TECRL: variants seen among roughly 807,000 people sequenced by gnomAD.
TECRL encodes the protein trans-2,3-enoyl-CoA reductase like.
A neutral mutation model predicts 52.8 loss-of-function variants in TECRL; 63 were observed. The ratio of observed to expected loss-of-function variants is 1.19; its 90% CI spans 0.97 to 1.47. The LOEUF (loss-of-function observed/expected upper bound fraction) is 1.47, where lower values mean the gene tolerates loss of function less well. Among genes scored for constraint, TECRL ranks in the 40% most tolerant of loss-of-function variants. The pLI, the probability that TECRL is intolerant of heterozygous loss-of-function variation, is 0.00. For missense variants in TECRL, 482 were observed against 429.6 expected (o/e 1.12, Z -1.08); for synonymous variants, 164 against 141.9 (o/e 1.16, Z -1.10).
chr4:64,322,017 A>T (rs1053621858), intron 4 of TECRL, among the ~76,000 whole-genome samples: 4 of 152,304 alleles, frequency 2.6e-5, no homozygotes, highest in Middle Eastern at 3.4e-3. Flanking sequence ...CCAGCCCAAT[A>T]GTCCCATAGA....
At chr4:64,316,431 G>A (rs971423035) in intron 4 of TECRL, among the ~76,000 whole-genome samples, 1 of 152,008 alleles carries the variant, frequency 6.6e-6, no homozygotes, top group South Asian at 2.1e-4. Context: ...GAAAGCACTA[G>A]AGAATGATAA....
chr4:64,334,050 G>A (rs372914878), intron 2 of TECRL, among the ~76,000 whole-genome samples: 1,242 of 55,054 alleles, frequency 0.023, 2 homozygotes, highest in Middle Eastern at 0.049. Context: ...AAAAAAAAAA[G>A]AAAAAGAGAG....
chr4:64,331,574 T>C (rs1298072829), intron 2 of TECRL, among the ~76,000 whole-genome samples: 3 of 152,032 alleles, frequency 2.0e-5, no homozygotes, highest in Admixed American at 1.3e-4. Flanking sequence ...TGGAATCTCA[T>C]AGAAAGTCAC....
At chr4:64,355,420 A>C (rs1302707833) in intron 2 of TECRL, among the ~76,000 whole-genome samples, 1 of 152,166 alleles carries the variant, frequency 6.6e-6, no homozygotes, top group Non-Finnish European at 1.5e-5. Context: ...CAAATTAAAA[A>C]AAAAATTACA....
Position 64,328,539 on chromosome 4 carries a change from A to C in TECRL, c.304T>G (p.Ser102Ala), listed in dbSNP as rs1718413682. The change falls in exon 3 of 12, where the codon TCT becomes GCT. Residue 102 changes from serine (S) to alanine (A), a missense_variant. Physicochemically the swap from Ser to Ala is moderately conservative, Grantham distance 99. Coordinates refer to ENST00000381210, the MANE Select transcript of TECRL (RefSeq NM_001010874.5). ...CATTCTAGCTGCAGACCAACTCGAG[A>C]AGGGTACCACTTTGGACCTATTCAA... is the stretch of plus-strand genomic sequence containing the variant. ...FHKACPKWYP[S>A]RVGLQLECGG... The C allele has an allele frequency of 2.5e-6, 4 of 1,611,810 alleles. No homozygotes were observed. The highest frequency in any genetic ancestry group is 3.4e-6 in the Non-Finnish European group (4 of 1,178,458).
At chr4:64,282,953 G>A (rs1038801112) in intron 9 of TECRL, among the ~76,000 whole-genome samples, 12 of 151,804 alleles carry the variant, frequency 7.9e-5, no homozygotes, top group African/African-American at 2.7e-4. Context: ...TTAAAATGCT[G>A]CCCCACCAGA....
intron 2 of TECRL, among the ~76,000 whole-genome samples, chr4:64,368,289 TTTTGTTTGTTTG>T (rs61596935): frequency 1.2e-4 from 18 of 151,338 alleles, no homozygotes; most frequent in Non-Finnish European, 2.2e-4. Context: ...TGTTTTCTTT[TTTTGTTTGTTTG>T]TTTGTTTGTT....
intron 4 of TECRL, among the ~76,000 whole-genome samples, chr4:64,315,855 T>A (rs1466080792): frequency 2.0e-5 from 3 of 152,080 alleles, no homozygotes; most frequent in African/African-American, 7.2e-5. Flanking sequence ...TATAATTCTG[T>A]CTTTTAGAAA....
intron 4 of TECRL, among the ~76,000 whole-genome samples, chr4:64,318,582 A>G (rs1717670703): frequency 6.6e-6 from 1 of 152,188 alleles, no homozygotes; most frequent in African/African-American, 2.4e-5. Context: ...CCAAACAAGA[A>G]TTGTTTAGAA....
rs1442809439 is a variant in TECRL at position 64,279,741 on chromosome 4, A to G, written c.*331T>C. 1 of 884,766 alleles carries G rather than the reference A, an allele frequency of 1.1e-6. No homozygotes were observed. The highest frequency in any genetic ancestry group is 1.3e-6 in the Non-Finnish European group (1 of 785,236). The allele number at this position is 884,766 out of a possible 1,614,324, so 54.8% of individuals were successfully genotyped here. A position where few individuals can be genotyped will look rare whatever the true frequency, so the allele number is the denominator to read the frequency against. ...AAATGTCTGTTCAGATCGCTTTTTC[A>G]TTTGTTAATCAGATTTTTTTTTTTG... is the stretch of plus-strand genomic sequence containing the variant. On this transcript the variant is annotated 3_prime_UTR_variant, in exon 12 of 12. Coordinates refer to ENST00000381210, the MANE Select transcript of TECRL (RefSeq NM_001010874.5).
chr4:64,282,230 T>A (rs527489831), intron 9 of TECRL, among the ~76,000 whole-genome samples: 1 of 152,092 alleles, frequency 6.6e-6, no homozygotes, highest in South Asian at 2.1e-4. Flanking sequence ...AGAAACATTT[T>A]AGATAACAAA....
In TECRL at chr4:64,335,507, A is replaced by G. The variant is rs534553086; in HGVS notation, c.287-6951T>C. 1.4e-4 allele frequency among the ~76,000 whole-genome samples: 22 copies of G among 152,332 alleles called. No homozygotes were observed. The East Asian group carries it at 4.2e-3, about 29-fold the overall frequency. On this transcript the variant is annotated intron_variant, in intron 2 of 11. Coordinates refer to ENST00000381210, the MANE Select transcript of TECRL (RefSeq NM_001010874.5). ...CATAATGATAGAAGTAAAGTGCAAAATAAATGTAATGTGCTTGAATCACCG... is the reference window on the plus strand; with the variant it reads ...CATAATGATAGAAGTAAAGTGCAAAGTAAATGTAATGTGCTTGAATCACCG...
intron 2 of TECRL, among the ~76,000 whole-genome samples, chr4:64,372,618 A>G (rs767892800): frequency 6.6e-6 from 1 of 151,800 alleles, no homozygotes; most frequent in Non-Finnish European, 1.5e-5. Context: ...ACAAAGAAAA[A>G]TGTAAAGCTG....
rs1722728178 is a variant in TECRL at position 64,279,811 on chromosome 4, G to T, written c.*261C>A. On this transcript the variant is annotated 3_prime_UTR_variant, in exon 12 of 12. Coordinates refer to ENST00000381210, the MANE Select transcript of TECRL (RefSeq NM_001010874.5). ...GCAAATAGTATTGTGAAGTATTAAT[G>T]AAGTAAGACAATTTTATTCAAGGAC... 5.9e-6 allele frequency: 6 copies of T among 1,018,972 alleles called. No individual in the cohort carries two copies. The highest frequency in any genetic ancestry group is 7.0e-6 in the Non-Finnish European group (6 of 852,406). The allele number at this position is 1,018,972 out of a possible 1,614,324, so 63.1% of individuals were successfully genotyped here.
chr4:64,386,192 T>G (rs1299564205), intron 1 of TECRL, among the ~76,000 whole-genome samples: 1 of 152,168 alleles, frequency 6.6e-6, no homozygotes, highest in Non-Finnish European at 1.5e-5. Context: ...ACATACTGCA[T>G]CTATATAATT....
intron 3 of TECRL, among the ~76,000 whole-genome samples, chr4:64,326,095 G>T (rs1718242284): frequency 6.6e-6 from 1 of 152,156 alleles, no homozygotes; most frequent in Non-Finnish European, 1.5e-5. Flanking sequence ...GCACAACCTG[G>T]TCTTTGGATA....
At chr4:64,334,206 A>C (rs434495) in intron 2 of TECRL, among the ~76,000 whole-genome samples, 1 of 151,990 alleles carries the variant, frequency 6.6e-6, no homozygotes, top group South Asian at 2.1e-4. Context: ...ATAAACATCA[A>C]ATATTACCCA....
intron 2 of TECRL, among the ~76,000 whole-genome samples, chr4:64,361,199 TG>T (rs1721170693): frequency 6.6e-6 from 1 of 152,136 alleles, no homozygotes; most frequent in East Asian, 1.9e-4. Flanking sequence ...AGAGTGCTTT[TG>T]CAGACAGACC....
At chr4:64,394,910 T>A (rs1042949228) in intron 1 of TECRL, among the ~76,000 whole-genome samples, 5 of 139,782 alleles carry the variant, frequency 3.6e-5, no homozygotes, top group Admixed American at 2.8e-4. Flanking sequence ...AACAAGCATT[T>A]TTTTTTTTTT....
Sources: gnomAD v4.1 joint callset for allele counts (sites outside exome capture counted in the v4.1 genomes callset) on GRCh38, gnomAD v4.1.1 for gene constraint, MANE v1.5 for transcripts, NCBI Gene and HGNC (gene_info 2026-07-23, HGNC 2026-07-21) for gene names.